FAM227B: variants seen among roughly 807,000 people sequenced by gnomAD.
FAM227B encodes the protein family with sequence similarity 227 member B, also known as protein FAM227B.
In FAM227B, 88 loss-of-function variants were observed where a neutral mutation model predicts 73.8. The observed-to-expected ratio is 1.19, with a 90% CI of 1.00 to 1.42. The LOEUF is 1.42. Among genes scored for constraint, FAM227B ranks in the 40% most tolerant of loss-of-function variants. FAM227B has a pLI of 0.00. For synonymous variants in FAM227B, 210 were observed against 190.5 expected (o/e 1.10, Z -0.84); for missense variants, 632 against 590.9 (o/e 1.07, Z -0.72).
intron 15 of FAM227B, chr15:49,330,759 G>C (rs1596200062): frequency 6.7e-6 from 1 of 148,896 alleles, no homozygotes; most frequent in South Asian, 2.2e-4. Context: ...AAAAAAAAAA[G>C]AGAGAAAGAA....
intron 10 of FAM227B, among the ~76,000 whole-genome samples, chr15:49,519,316 A>G (rs1354149425): frequency 6.6e-6 from 1 of 152,190 alleles, no homozygotes; most frequent in African/African-American, 2.4e-5. Flanking sequence ...TCTGGGGTCT[A>G]GAGGACAGTG....
intron 13 of FAM227B, chr15:49,365,194 C>G (rs554950872): frequency 1.5e-5 from 12 of 812,398 alleles, no homozygotes; most frequent in Middle Eastern, 2.9e-4. Context: ...GATGGTCCAT[C>G]ATCTGATAGC....
chr15:49,618,963 C>T (rs538268591), intron 1 of FAM227B, among the ~76,000 whole-genome samples: 54 of 152,200 alleles, frequency 3.5e-4, no homozygotes, highest in African/African-American at 1.2e-3. Context: ...AAAGTGGGGG[C>T]CTTGGGACTA....
At chr15:49,357,989 C>T (rs376269484) in intron 13 of FAM227B, among the ~76,000 whole-genome samples, 1 of 152,148 alleles carries the variant, frequency 6.6e-6, no homozygotes, top group Non-Finnish European at 1.5e-5. Context: ...ACAAAAACCA[C>T]ATGATTATCT....
intron 9 of FAM227B, among the ~76,000 whole-genome samples, chr15:49,546,073 G>A (rs1034995661): frequency 6.6e-6 from 1 of 151,622 alleles, no homozygotes; most frequent in African/African-American, 2.4e-5. Context: ...TCGTCATTTA[G>A]CATTAGGTAT....
intron 9 of FAM227B, among the ~76,000 whole-genome samples, chr15:49,545,163 T>C (rs930168073): frequency 5.9e-5 from 9 of 152,132 alleles, no homozygotes; most frequent in Non-Finnish European, 1.3e-4. Context: ...TTTATTACTG[T>C]TTCAATCTCA....
rs141678276 is a variant in FAM227B, at chr15:49,572,346, C to T, written c.645+2665G>A. Reference sequence around the variant, plus strand: ...TTTATTTCTTTCTCTGGCCTAATTGCTATGGCTTTCTTCTTTTTTAATGTA... The same window carrying T: ...TTTATTTCTTTCTCTGGCCTAATTGTTATGGCTTTCTTCTTTTTTAATGTA... On this transcript the variant is annotated intron_variant, in intron 8 of 15. Coordinates refer to ENST00000299338, the MANE Select transcript of FAM227B (RefSeq NM_152647.3). 2.9e-4 allele frequency among the ~76,000 whole-genome samples: 44 copies of T among 152,144 alleles called. No homozygotes were observed. In the East Asian group the frequency reaches 7.7e-3, roughly 27 times the overall value.
At chr15:49,465,466 A>G (rs1193586449) in intron 11 of FAM227B, among the ~76,000 whole-genome samples, 2 of 152,088 alleles carry the variant, frequency 1.3e-5, no homozygotes, top group Non-Finnish European at 2.9e-5. Flanking sequence ...TGTTAGGAGC[A>G]AGATAGATAA....
chr15:49,439,746 C>T (rs2051457914), intron 11 of FAM227B, among the ~76,000 whole-genome samples: 1 of 151,630 alleles, frequency 6.6e-6, no homozygotes, highest in Non-Finnish European at 1.5e-5. Flanking sequence ...GGGAGGAAAC[C>T]TTATACCATG....
chr15:49,442,347 G>T (rs941951933), intron 11 of FAM227B, among the ~76,000 whole-genome samples: 1 of 151,528 alleles, frequency 6.6e-6, no homozygotes, highest in Non-Finnish European at 1.5e-5. Flanking sequence ...AACTCTCCAC[G>T]AAGCTCCCCT....
intron 11 of FAM227B, among the ~76,000 whole-genome samples, chr15:49,471,650 T>C (rs1471512573): frequency 6.6e-6 from 1 of 152,108 alleles, no homozygotes; most frequent in Non-Finnish European, 1.5e-5. Context: ...GATTTTCTAA[T>C]CAAGAATGGC....
intron 10 of FAM227B, among the ~76,000 whole-genome samples, chr15:49,517,812 A>G (rs1597808620): frequency 1.3e-5 from 2 of 152,300 alleles, no homozygotes; most frequent in East Asian, 1.9e-4. Flanking sequence ...TCCAAGGGTA[A>G]CTATTAGTCT....
intron 11 of FAM227B, among the ~76,000 whole-genome samples, chr15:49,483,928 G>C (rs2056175283): frequency 6.6e-6 from 1 of 152,020 alleles, no homozygotes; most frequent in Non-Finnish European, 1.5e-5. Context: ...CTCACCTGAG[G>C]GAGGCAGAGG....
At chr15:49,361,557 T>C (rs1202821729) in intron 13 of FAM227B, among the ~76,000 whole-genome samples, 1 of 152,206 alleles carries the variant, frequency 6.6e-6, no homozygotes, top group Non-Finnish European at 1.5e-5. Flanking sequence ...TCCATTCATA[T>C]TGCTGCAAAG....
intron 13 of FAM227B, among the ~76,000 whole-genome samples, chr15:49,356,058 A>C (rs1351016303): frequency 2.7e-5 from 4 of 149,754 alleles, no homozygotes; most frequent in Middle Eastern, 3.4e-3. Flanking sequence ...TTTCTCACCA[A>C]CAGGCCTGCC....
chr15:49,404,656 A>AT (rs2048396273), intron 11 of FAM227B, among the ~76,000 whole-genome samples: 1 of 151,520 alleles, frequency 6.6e-6, no homozygotes, highest in Admixed American at 6.6e-5. Context: ...TATGGGTGTC[A>AT]TTGCATGTGA....
In FAM227B at chr15:49,420,201, T is replaced by C. The variant is rs540139867; in HGVS notation, c.1013-48802A>G. 2.0e-5 allele frequency among the ~76,000 whole-genome samples: 3 copies of C among 152,340 alleles called. No individual in the cohort carries two copies. The East Asian group carries it at 5.8e-4, about 29-fold the overall frequency. ...TGATCCTATAGATTTATTTTCGTAGTATAAAATGACATATTTTGTCTTTAT... is the reference window on the plus strand; with the variant it reads ...TGATCCTATAGATTTATTTTCGTAGCATAAAATGACATATTTTGTCTTTAT... On this transcript the variant is annotated intron_variant, in intron 11 of 15. Coordinates refer to ENST00000299338, the MANE Select transcript of FAM227B (RefSeq NM_152647.3).
intron 3 of FAM227B, among the ~76,000 whole-genome samples, chr15:49,609,920 A>C (rs1184714105): frequency 6.6e-6 from 1 of 151,934 alleles, no homozygotes; most frequent in African/African-American, 2.4e-5. Flanking sequence ...ACCTGATAAA[A>C]CTTGAAGGCT....
At chr15:49,407,369 C>A (rs894101283) in intron 11 of FAM227B, among the ~76,000 whole-genome samples, 2 of 152,086 alleles carry the variant, frequency 1.3e-5, no homozygotes, top group East Asian at 3.9e-4. Context: ...TAGCCCAGGG[C>A]AGGGTTCCTG....
Sources: allele counts gnomAD v4.1 joint callset (sites outside exome capture counted in the v4.1 genomes callset), GRCh38; gene constraint gnomAD v4.1.1; transcripts MANE v1.5; gene names NCBI Gene and HGNC (gene_info 2026-07-23, HGNC 2026-07-21).